Variants in INO80 observed in about 807,000 individuals in gnomAD.
INO80 encodes INO80 complex ATPase subunit.
Under a neutral mutation model 203.4 loss-of-function variants are expected in INO80, and 20 were observed. The observed-to-expected ratio is 0.10, with a 90% confidence interval of 0.07 to 0.14. INO80 has a LOEUF of 0.14. INO80 is among the 10% of genes least tolerant of loss of function. INO80 has a pLI of 1.00. For synonymous variants in INO80, 726 were observed against 685.2 expected (o/e 1.06, Z -0.93); for missense variants, 1,419 against 1,914.4 (o/e 0.74, Z 4.83).
At chr15:41,098,687 C>T (rs1050275326) in intron 1 of INO80, among the ~76,000 whole-genome samples, 12 of 151,936 alleles carry the variant, frequency 7.9e-5, no homozygotes, top group Non-Finnish European at 1.8e-4. Flanking sequence ...GAAGACAAGC[C>T]ACAGACTAGA....
intron 22 of INO80, 31 bp downstream of exon 22, chr15:41,048,181 A>C: frequency 6.4e-7 from 1 of 1,559,974 alleles, no homozygotes; most frequent in Non-Finnish European, 8.8e-7. Flanking sequence ...AACCCTGACA[A>C]ACCTACTTTC....
rs753613609 is a variant in INO80, at chr15:41,031,583, GAGGA to G, written c.2908-3851_2908-3848del. On this transcript the variant is annotated intron_variant, in intron 24 of 35. Coordinates refer to ENST00000648947, the MANE Select transcript of INO80 (RefSeq NM_017553.3). ...GGAGGAAGGGAGGAAGGGAGGAAGG[GAGGA>G]AGGGAGGGAGGGAGGGAGGAAGGGA... 9.4e-4 allele frequency among the ~76,000 whole-genome samples: 8 copies of G among 8,510 alleles called. 2 individuals carry two copies. The highest frequency in any genetic ancestry group is 2.1e-3 in the Non-Finnish European group (5 of 2,334). 5.6% of individuals were successfully genotyped at this position (8,510 alleles called of 152,430 possible).
At chr15:40,988,232 T>C (rs1312410523) in intron 29 of INO80, among the ~76,000 whole-genome samples, 4 of 152,230 alleles carry the variant, frequency 2.6e-5, no homozygotes, top group African/African-American at 9.6e-5. Flanking sequence ...AGTTAAAACG[T>C]AGTGTTTAGT....
intron 26 of INO80, among the ~76,000 whole-genome samples, chr15:41,020,624 C>G (rs58617586): frequency 0.17 from 22,698 of 136,588 alleles, 1,953 homozygotes; most frequent in South Asian, 0.31. Flanking sequence ...GCCTTTCCTA[C>G]TAAGTTTATT....
chr15:41,029,718 T>C (rs771870596), intron 24 of INO80, among the ~76,000 whole-genome samples: 2 of 152,256 alleles, frequency 1.3e-5, no homozygotes, highest in Non-Finnish European at 2.9e-5. Context: ...CACTTGAATG[T>C]CTAACATGAG....
At chr15:40,980,519 G>C in intron 35 of INO80, 79 bp from the exon 36 acceptor site, 1 of 1,071,092 alleles carries the variant, frequency 9.3e-7, no homozygotes, top group Non-Finnish European at 1.4e-6. Context: ...TTGGTTACCA[G>C]AGTCTGAGCT....
At chr15:41,095,413 T>C (rs147185745) in intron 4 of INO80, among the ~76,000 whole-genome samples, 188 bp downstream of exon 4, 1 of 152,212 alleles carries the variant, frequency 6.6e-6, no homozygotes. Context: ...ACTCAATTCA[T>C]GTTTGCTAAA....
intron 29 of INO80, among the ~76,000 whole-genome samples, chr15:40,991,111 C>G (rs1356572570): frequency 6.6e-6 from 1 of 152,086 alleles, no homozygotes; most frequent in Non-Finnish European, 1.5e-5. Flanking sequence ...CAGTGGCAAC[C>G]AAACCTGATT....
At chr15:41,081,877 C>T (rs1044991831) in intron 7 of INO80, among the ~76,000 whole-genome samples, 3 of 151,864 alleles carry the variant, frequency 2.0e-5, no homozygotes, top group African/African-American at 4.8e-5. Flanking sequence ...ATATATGAGC[C>T]TTTTATAAAA....
chr15:41,058,227 T>C (rs2045028989), intron 16 of INO80, among the ~76,000 whole-genome samples: 1 of 152,182 alleles, frequency 6.6e-6, no homozygotes, highest in South Asian at 2.1e-4. Flanking sequence ...TGTCACCTTC[T>C]TGAACAGGGA....
intron 25 of INO80, 29 bp downstream of exon 25, chr15:41,027,567 T>G: frequency 1.9e-6 from 3 of 1,560,982 alleles, no homozygotes; most frequent in Non-Finnish European, 2.6e-6. Context: ...TTGCCATCTA[T>G]TTCATCTCTT....
intron 24 of INO80, among the ~76,000 whole-genome samples, chr15:41,036,173 AAAAAAAAAAAAAC>A (rs1393555661): frequency 1.3e-5 from 2 of 149,574 alleles, no homozygotes; most frequent in Non-Finnish European, 3.0e-5. Context: ...AAAAAAAAAA[AAAAAAAAAAAAAC>A]CCAAAAAAAC....
chr15:41,106,253 G>A (rs1359377446), intron 1 of INO80, among the ~76,000 whole-genome samples: 1 of 151,994 alleles, frequency 6.6e-6, no homozygotes, highest in Middle Eastern at 3.4e-3. Context: ...ACGTGGTGGC[G>A]AGCACCTATA....
intron 4 of INO80, 87 bp downstream of exon 4, chr15:41,095,514 A>C: frequency 1.1e-6 from 1 of 924,452 alleles, no homozygotes; most frequent in Non-Finnish European, 1.7e-6. Context: ...AACTCTGTCA[A>C]TCTGCCAAAA....
chr15:40,997,717 G>A (rs1203861525), intron 28 of INO80, 116 bp from the exon 29 acceptor site: 1 of 696,336 alleles, frequency 1.4e-6, no homozygotes, highest in Non-Finnish European at 2.6e-6. Flanking sequence ...AAGAGTTTTG[G>A]TGGTTACCTA....
intron 27 of INO80, among the ~76,000 whole-genome samples, chr15:41,008,681 G>A (rs1397047324): frequency 6.6e-6 from 1 of 152,130 alleles, no homozygotes; most frequent in Non-Finnish European, 1.5e-5. Context: ...CAGCAGCTGA[G>A]AGCAACCACT....
intron 19 of INO80, 23 bp from the exon 20 acceptor site, chr15:41,050,125 A>G: frequency 6.4e-7 from 1 of 1,563,178 alleles, no homozygotes; most frequent in Non-Finnish European, 8.8e-7. Flanking sequence ...AAGAACATTT[A>G]TATTTGGAAA....
intron 30 of INO80, among the ~76,000 whole-genome samples, 153 bp downstream of exon 30, chr15:40,987,663 T>C (rs1325952156): frequency 6.6e-6 from 1 of 152,230 alleles, no homozygotes; most frequent in Non-Finnish European, 1.5e-5. Context: ...TGCTATTGCA[T>C]GGGACCTGAT....
intron 5 of INO80, among the ~76,000 whole-genome samples, chr15:41,087,903 TAAGA>T (rs1219984593): frequency 1.3e-5 from 2 of 152,090 alleles, no homozygotes; most frequent in Non-Finnish European, 2.9e-5. Flanking sequence ...GAAAATAATT[TAAGA>T]AAGCAAAACT....
Sources: gnomAD v4.1 joint callset for allele counts (sites outside exome capture counted in the v4.1 genomes callset) on GRCh38, gnomAD v4.1.1 for gene constraint, MANE v1.5 for transcripts, NCBI Gene and HGNC (gene_info 2026-07-23, HGNC 2026-07-21) for gene names.